The following ITIH6 variants were observed in gnomAD, a reference collection of about 807,000 sequenced individuals.
The protein encoded by ITIH6 is inter-alpha-trypsin inhibitor heavy chain family member 6.
In ITIH6, 60 loss-of-function variants were observed where a neutral mutation model predicts 58.2. That is an observed-to-expected ratio of 1.03 (90% confidence interval 0.84 to 1.28). The LOEUF (loss-of-function observed/expected upper bound fraction) is 1.28. Ranked by LOEUF, ITIH6 falls within the 50% of genes most tolerant of loss-of-function variation. ITIH6 has a pLI of 0.00. For synonymous variants in ITIH6, 493 were observed against 417.4 expected (o/e 1.18, Z -2.21); for missense variants, 1,290 against 1,021.1 (o/e 1.26, Z -3.59).
chrX:54,753,378 C>T (rs1348787340), intron 11 of ITIH6, among the ~76,000 whole-genome samples: 1 of 112,080 alleles, frequency 8.9e-6, no homozygotes, highest in African/African-American at 3.2e-5. Flanking sequence ...AATTTTTTAT[C>T]GTTTAATTCC....
intron 6 of ITIH6, among the ~76,000 whole-genome samples, chrX:54,769,111 C>T (rs1208628429): frequency 9.4e-5 from 9 of 95,510 alleles, no homozygotes; most frequent in East Asian, 3.2e-4. Flanking sequence ...CTTCCCTTCT[C>T]GCTTCATTTC....
chrX:54,769,166 C>T lies in ITIH6; in HGVS notation c.903+4915G>A, dbSNP rs1375946296. Among the ~76,000 whole-genome samples the T allele has an allele frequency of 2.5e-3, 221 of 88,110 alleles. 1 individual carries two copies. Among genetic ancestry groups the T allele is most frequent in the African/African-American group, 9.1e-3 (199 of 21,818 alleles). 76.5% of individuals were successfully genotyped at this position (88,110 alleles called of 115,157 possible). ...GCTGATACCCTTTCTTCCAGTTGATCGCATCGGCTCCTGAGGCTTCTGCAT... is the reference window on the plus strand; with the variant it reads ...GCTGATACCCTTTCTTCCAGTTGATTGCATCGGCTCCTGAGGCTTCTGCAT... On this transcript the variant is annotated intron_variant, in intron 6 of 12. Coordinates refer to ENST00000218436, the MANE Select transcript of ITIH6 (RefSeq NM_198510.3).
chrX:54,788,183 T>C (rs1456575111), intron 5 of ITIH6, among the ~76,000 whole-genome samples: 1 of 111,604 alleles, frequency 9.0e-6, no homozygotes, highest in Non-Finnish European at 1.9e-5. Flanking sequence ...GCCCAATTAG[T>C]GGCCAAGGGT....
intron 6 of ITIH6, among the ~76,000 whole-genome samples, chrX:54,761,773 C>T (rs2147604632): frequency 9.0e-6 from 1 of 111,064 alleles, no homozygotes; most frequent in Non-Finnish European, 1.9e-5. Context: ...TTTCTGAGGG[C>T]TCTGTTCTGT....
At chrX:54,788,696 A>C in intron 4 of ITIH6, 47 bp from the exon 5 acceptor site, 2 of 1,044,719 alleles carry the variant, frequency 1.9e-6, no homozygotes, top group Non-Finnish European at 2.7e-6. Context: ...GAGGACTCGC[A>C]AGACAGAAGA....
chrX:54,764,949 A>T lies in ITIH6; in HGVS notation c.904-5022T>A, dbSNP rs1445601364. On this transcript the variant is annotated intron_variant, in intron 6 of 12. Transcript: ENST00000218436. ...GTTTCCTGACTTTTTAATGATTGCC[A>T]TTCTAACTGGTGTGAGATGATATCT... 1.0e-3 allele frequency among the ~76,000 whole-genome samples: 88 copies of T among 87,236 alleles called. 1 individual carries two copies. The highest frequency in any genetic ancestry group is 3.3e-3 in the African/African-American group (77 of 23,476). 75.8% of individuals were successfully genotyped at this position (87,236 alleles called of 115,157 possible). A position where few individuals can be genotyped will look rare whatever the true frequency, so the allele number is the denominator to read the frequency against.
At chrX:54,773,023 A>T (rs1458660965) in intron 6 of ITIH6, among the ~76,000 whole-genome samples, 3 of 111,362 alleles carry the variant, frequency 2.7e-5, no homozygotes, top group Non-Finnish European at 5.7e-5. Flanking sequence ...CACCTACCTC[A>T]GCTCCCCTTC....
chrX:54,775,275 A>G (rs1929030778), intron 5 of ITIH6, among the ~76,000 whole-genome samples: 1 of 111,428 alleles, frequency 9.0e-6, no homozygotes, highest in South Asian at 3.8e-4. Flanking sequence ...AATCATGCTT[A>G]TCTTTCCCCG....
rs755854059 is a variant in ITIH6, at chrX:54,757,765, G to T, written c.2309C>A (p.Ser770Ter). 9.1e-6 allele frequency: 11 copies of T among 1,211,824 alleles called. No homozygotes were observed. The South Asian group carries it at 1.4e-4, about 15-fold the overall frequency. Reference protein sequence around the residue: ...VPPVKPGIPASPKADTVKCVT... With the variant: ...VPPVKPGIPA ...ACATTTCACAGTGTCAGCTTTGGGC[G>T]AGGCTGGGATGCCAGGTTTCACAGG... Residue 770 changes from serine to a stop codon, truncating the protein, a stop_gained, in exon 8 of 13, where the codon TCG becomes TAG. Coordinates refer to ENST00000218436, the MANE Select transcript of ITIH6 (RefSeq NM_198510.3). LOFTEE classifies it high-confidence loss of function.
rs199590798 is a variant in ITIH6, at chrX:54,757,186, C to A, written c.2888G>T (p.Gly963Val). The A allele has an allele frequency of 1.7e-6, 2 of 1,207,902 alleles. No individual in the cohort carries two copies. Among genetic ancestry groups the A allele is most frequent in the Non-Finnish European group, 2.2e-6 (2 of 893,550 alleles). Residue 963 changes from glycine to valine, a missense_variant, in exon 8 of 13, where the codon GGA (glycine) becomes GTA (valine). Gly to Val is a moderately radical substitution (Grantham distance 109). Transcript: ENST00000218436. ...GTTGAGTAGGCTCATTGTTGGAACT[C>A]CTGGCCTAGATGGTCCCAGAACTTG... ...TRQVLGPSRP[G>V]VPTMSLLNSS...
In ITIH6 at chrX:54,790,793, G is replaced by C. The variant is rs756112540; in HGVS notation, c.616+44C>G. 5 of 1,202,616 alleles carry C rather than the reference G, an allele frequency of 4.2e-6. No homozygotes were observed. The East Asian group carries it at 1.5e-4, about 36-fold the overall frequency. On this transcript the variant is annotated intron_variant, in intron 4 of 12. Transcript: ENST00000218436. ...GTGGAATCGATAAGGTTTTCATTCA[G>C]TGAAGGCCAGTCTGATGGGTGACCC...
At chrX:54,795,573 C>T (rs941674816) in intron 2 of ITIH6, among the ~76,000 whole-genome samples, 1 of 111,935 alleles carries the variant, frequency 8.9e-6, no homozygotes, top group African/African-American at 3.3e-5. Flanking sequence ...TACCTCTTGT[C>T]TGTCCCTGAC....
In ITIH6 at chrX:54,750,093, G is replaced by T; in HGVS notation, c.3744C>A (p.His1248Gln). ...GTCCTGTCACCAGTCGGATGTCTGC[G>T]TGCTGGAACTGCCCTGAGGGAGAGA... ...SARGLIGQFQ[H>Q]ADIRLVTGPM... Residue 1248 changes from histidine (H) to glutamine (Q), a missense_variant, in exon 13 of 13, where the codon CAC becomes CAA. His to Gln is a conservative substitution (Grantham distance 24). Transcript: ENST00000218436. 1 of 1,205,534 alleles carries T rather than the reference G, an allele frequency of 8.3e-7. No homozygotes were observed. Among genetic ancestry groups the T allele is most frequent in the Non-Finnish European group, 1.1e-6 (1 of 891,602 alleles).
At position 54,791,008 on chromosome X, in the gene ITIH6, C is replaced by T; in HGVS notation, c.445G>A (p.Glu149Lys). Residue 149 changes from glutamate to lysine, a missense_variant, in exon 4 of 13, where the codon GAG becomes AAG. Glu to Lys is a moderately conservative substitution (Grantham distance 56, BLOSUM62 1). Transcript: ENST00000218436. ...GTEVTFSLAY[E>K]ELLQRHQGQY... ...CCCTGGTGCCGCTGAAGCAGTTCCTCATAGGCCAGGGAAAAAGTCACCTCT... is the reference window on the plus strand; with the variant it reads ...CCCTGGTGCCGCTGAAGCAGTTCCTTATAGGCCAGGGAAAAAGTCACCTCT... The T allele has an allele frequency of 8.3e-7, 1 of 1,212,025 alleles. No homozygotes were observed. Among genetic ancestry groups the T allele is most frequent in the Non-Finnish European group, 1.1e-6 (1 of 895,485 alleles).
At position 54,759,786 on chromosome X, in the gene ITIH6, C is replaced by T. The variant is rs755453467; in HGVS notation, c.1045G>A (p.Asp349Asn). Residue 349 changes from aspartate to asparagine, a missense_variant, in exon 7 of 13, where the codon GAC becomes AAC. Coordinates refer to ENST00000218436, the MANE Select transcript of ITIH6 (RefSeq NM_198510.3). ...ATIQNVHSAK[D>N]YLHCMEADGW... The stretch of plus-strand genomic sequence containing the variant: ...TCGGCTTCCATGCAATGCAGGTAGT[C>T]CTTGGCACTGTGGACATTCTGGATG... 1.2e-5 allele frequency: 14 copies of T among 1,210,766 alleles called. No homozygotes were observed. Among genetic ancestry groups the T allele is most frequent in the Non-Finnish European group, 1.3e-5 (12 of 894,966 alleles).
At chrX:54,762,453 T>C (rs1928668201) in intron 6 of ITIH6, among the ~76,000 whole-genome samples, 1 of 111,962 alleles carries the variant, frequency 8.9e-6, no homozygotes, top group Admixed American at 9.5e-5. Flanking sequence ...TAATCTGCTC[T>C]TCTGCCTCAC....
At chrX:54,770,224 G>A (rs945181037) in intron 6 of ITIH6, among the ~76,000 whole-genome samples, 3 of 112,715 alleles carry the variant, frequency 2.7e-5, no homozygotes, top group South Asian at 3.6e-4. Context: ...GCAATGCCTC[G>A]CCCTGCTTCG....
chrX:54,781,324 C>T (rs1271338355), intron 5 of ITIH6, among the ~76,000 whole-genome samples: 1 of 111,491 alleles, frequency 9.0e-6, no homozygotes. Flanking sequence ...TGTTTGCAAA[C>T]TATGCATCTG....
In ITIH6 at chrX:54,758,727, G is replaced by A; in HGVS notation, c.1347C>T (p.Ala449=). The A allele has an allele frequency of 8.3e-7, 1 of 1,211,266 alleles. No individual in the cohort carries two copies. The highest frequency in any genetic ancestry group is 1.1e-6 in the Non-Finnish European group (1 of 895,208). The change falls in exon 8 of 13, where the codon GCC becomes GCT. Residue 449 remains alanine (A), a synonymous_variant. Coordinates refer to ENST00000218436, the MANE Select transcript of ITIH6 (RefSeq NM_198510.3). ...RRLSLENRGI[A]RRIYEDTDAA... is the part of the protein sequence containing the mutation. Reference sequence around the variant, plus strand: ...CATCAGTGTCCTCATATATGCGCCGGGCTATTCCCCGGTTTTCCAGGGACA... The same window carrying A: ...CATCAGTGTCCTCATATATGCGCCGAGCTATTCCCCGGTTTTCCAGGGACA...
Sources: allele counts gnomAD v4.1 joint callset (sites outside exome capture counted in the v4.1 genomes callset), GRCh38; gene constraint gnomAD v4.1.1; transcripts MANE v1.5; gene names NCBI Gene and HGNC (gene_info 2026-07-23, HGNC 2026-07-21).